Variants in C6orf52 observed in about 807,000 individuals in gnomAD.
C6orf52 encodes putative uncharacterized protein C6orf52.
Under a neutral mutation model 16.6 loss-of-function variants are expected in C6orf52, and 16 were observed. The ratio of observed to expected loss-of-function variants is 0.96; its 90% CI spans 0.65 to 1.46. The LOEUF (loss-of-function observed/expected upper bound fraction) is 1.46. Ranked by LOEUF, C6orf52 falls within the 40% of genes most tolerant of loss-of-function variation. The pLI, the probability that C6orf52 is intolerant of heterozygous loss-of-function variation, is 0.00. For synonymous variants in C6orf52, 53 were observed against 61.4 expected (o/e 0.86, Z 0.64); for missense variants, 166 against 182.3 (o/e 0.91, Z 0.52).
intron 1 of C6orf52, among the ~76,000 whole-genome samples, chr6:10,691,324 G>T (rs1379071443): frequency 2.0e-5 from 3 of 152,160 alleles, no homozygotes; most frequent in Non-Finnish European, 1.5e-5. Flanking sequence ...CCCCAAGTGA[G>T]TAATTCCTGT....
At chr6:10,686,878 A>G in intron 3 of C6orf52, 88 bp downstream of exon 3, 1 of 977,520 alleles carries the variant, frequency 1.0e-6, no homozygotes. Flanking sequence ...AATTTGGATG[A>G]CAGGACACAG....
At chr6:10,690,331 T>G (rs922619486) in intron 1 of C6orf52, among the ~76,000 whole-genome samples, 1 of 152,164 alleles carries the variant, frequency 6.6e-6, no homozygotes, top group African/African-American at 2.4e-5. Flanking sequence ...CAAATTTCTA[T>G]TGGGGCACAC....
chr6:10,691,881 T>C (rs761816501), intron 1 of C6orf52, among the ~76,000 whole-genome samples: 1 of 152,190 alleles, frequency 6.6e-6, no homozygotes, highest in Non-Finnish European at 1.5e-5. Context: ...ATGTTCATGG[T>C]GCTTACACCA....
In C6orf52 at chr6:10,683,205, C is replaced by T; in HGVS notation, c.298G>A (p.Asp100Asn). The T allele has an allele frequency of 6.5e-7, 1 of 1,547,326 alleles. No homozygotes were observed. Among genetic ancestry groups the T allele is most frequent in the South Asian group, 1.2e-5 (1 of 83,272 alleles). Residue 100 changes from aspartate (D) to asparagine (N), a missense_variant, in exon 4 of 5, where the codon GAT becomes AAT. Asp to Asn is a conservative substitution (Grantham distance 23). Coordinates refer to ENST00000259983, the MANE Select transcript of C6orf52 (RefSeq NM_001145020.3). ...KETTPLAENQ[D>N]EDPLEDPHLH... ...ATGTTACCTTCTAGTGGGTCTTCAT[C>T]TTGGTTTTCAGCTAGAGGTGTGGTT... is the stretch of plus-strand genomic sequence containing the variant.
In C6orf52 at chr6:10,694,598, A is replaced by T. The variant is rs910744724; in HGVS notation, c.-116T>A. 4 of 172,158 alleles carry T rather than the reference A, an allele frequency of 2.3e-5. No individual in the cohort carries two copies. In the South Asian group the frequency reaches 3.5e-4, roughly 15 times the overall value. 10.7% of individuals were successfully genotyped at this position (172,158 alleles called of 1,614,324 possible). ...GCACGCTGCCGGCGCTACAGCCCCT[A>T]AGCAACCGGCCGGAAGTCGGCCCCA... On this transcript the variant is annotated 5_prime_UTR_variant, in exon 1 of 5. Coordinates refer to ENST00000259983, the MANE Select transcript of C6orf52 (RefSeq NM_001145020.3).
chr6:10,675,884 C>A (rs1232735727), intron 4 of C6orf52, among the ~76,000 whole-genome samples: 1 of 152,222 alleles, frequency 6.6e-6, no homozygotes, highest in Non-Finnish European at 1.5e-5. Flanking sequence ...GTAATCCCAG[C>A]ACTTTGGGAG....
chr6:10,686,722 C>G (rs913737521), intron 3 of C6orf52, among the ~76,000 whole-genome samples: 1 of 152,170 alleles, frequency 6.6e-6, no homozygotes, highest in African/African-American at 2.4e-5. Flanking sequence ...AGTTTATACA[C>G]GTCCAAACTC....
intron 4 of C6orf52, among the ~76,000 whole-genome samples, chr6:10,681,151 T>C (rs2127464933): frequency 6.6e-6 from 1 of 152,326 alleles, no homozygotes; most frequent in East Asian, 1.9e-4. Context: ...ATTGGTCTGT[T>C]CAGGTTTTCT....
intron 2 of C6orf52, 95 bp downstream of exon 2, chr6:10,687,383 TAA>T (rs144292063): frequency 5.2e-4 from 431 of 834,282 alleles, no homozygotes; most frequent in African/African-American, 1.1e-3. Context: ...CCCAGAACTT[TAA>T]AAAAAAAAAA....
At chr6:10,690,223 T>C (rs1481659003) in intron 1 of C6orf52, among the ~76,000 whole-genome samples, 1 of 152,130 alleles carries the variant, frequency 6.6e-6, no homozygotes, top group African/African-American at 2.4e-5. Context: ...GCCTTGGAGA[T>C]GACAGTGACA....
chr6:10,683,967 T>A (rs1768632213), intron 3 of C6orf52, among the ~76,000 whole-genome samples: 1 of 152,220 alleles, frequency 6.6e-6, no homozygotes, highest in Non-Finnish European at 1.5e-5. Flanking sequence ...TCCTGGCACT[T>A]AATTAAGCTT....
chr6:10,682,527 G>T (rs1325069746), intron 4 of C6orf52, among the ~76,000 whole-genome samples: 1 of 152,184 alleles, frequency 6.6e-6, no homozygotes, highest in African/African-American at 2.4e-5. Context: ...TAAAGGCAGT[G>T]GGTGGGTTTG....
In C6orf52 at chr6:10,694,601, C is replaced by CTTGGTGTAG; in HGVS notation, c.-120_-119insCTACACCAA. On this transcript the variant is annotated 5_prime_UTR_variant, in exon 1 of 5. Coordinates refer to ENST00000259983, the MANE Select transcript of C6orf52 (RefSeq NM_001145020.3). ...CGCTGCCGGCGCTACAGCCCCTAAG[C>CTTGGTGTAG]AACCGGCCGGAAGTCGGCCCCACCT... 3 of 175,900 alleles carry CTTGGTGTAG rather than the reference C, an allele frequency of 1.7e-5. No individual in the cohort carries two copies. The highest frequency in any genetic ancestry group is 1.2e-4 in the Admixed American group (2 of 16,484). 10.9% of individuals were successfully genotyped at this position (175,900 alleles called of 1,614,324 possible). A position where few individuals can be genotyped will look rare whatever the true frequency, so the allele number is the denominator to read the frequency against.
intron 4 of C6orf52, among the ~76,000 whole-genome samples, chr6:10,677,140 A>T (rs1017747566): frequency 6.6e-6 from 1 of 152,114 alleles, no homozygotes; most frequent in Non-Finnish European, 1.5e-5. Flanking sequence ...TAGTAGTTTC[A>T]CAGTTTTGGG....
intron 4 of C6orf52, among the ~76,000 whole-genome samples, chr6:10,677,102 C>A (rs1188374421): frequency 6.6e-6 from 1 of 152,204 alleles, no homozygotes; most frequent in East Asian, 1.9e-4. Flanking sequence ...AGACCAATGT[C>A]GTGGAGCTTT....
intron 1 of C6orf52, among the ~76,000 whole-genome samples, chr6:10,693,824 G>A (rs1433602309): frequency 6.6e-6 from 1 of 152,164 alleles, no homozygotes; most frequent in Non-Finnish European, 1.5e-5. Context: ...GACCTCCTGG[G>A]CTCAAGCAAT....
At chr6:10,693,463 C>A (rs57689018) in intron 1 of C6orf52, among the ~76,000 whole-genome samples, 8,708 of 152,262 alleles carry the variant, frequency 0.057, 808 homozygotes, top group African/African-American at 0.19. Context: ...TCTGCAAGAC[C>A]CAAACTAGCC....
rs376522718 is a variant in C6orf52, at chr6:10,692,096, CAG to C, written c.-12+2396_-12+2397del. 4.6e-3 allele frequency among the ~76,000 whole-genome samples: 703 copies of C among 152,290 alleles called. 9 individuals are homozygous for C. The highest frequency in any genetic ancestry group is 0.016 in the African/African-American group (648 of 41,580). On this transcript the variant is annotated intron_variant, in intron 1 of 4. Transcript: ENST00000259983. Reference sequence around the variant, plus strand: ...TTGAGATGTCCCTGGGGTAAGGAGACAGGGCACCAGGGACATTCCAGAAGTAA... The same window carrying C: ...TTGAGATGTCCCTGGGGTAAGGAGACGGCACCAGGGACATTCCAGAAGTAA...
Position 10,684,161 on chromosome 6 carries a change from C to T in C6orf52, c.271-929G>A, listed in dbSNP as rs951793402. ...TTTTCTATTTAGATACGGCTAAGACCGCAGGCATGGTGGCATGCAGCCGGT... is the reference window on the plus strand; with the variant it reads ...TTTTCTATTTAGATACGGCTAAGACTGCAGGCATGGTGGCATGCAGCCGGT... On this transcript the variant is annotated intron_variant, in intron 3 of 4. Transcript: ENST00000259983. 4.6e-5 allele frequency among the ~76,000 whole-genome samples: 7 copies of T among 151,968 alleles called. No individual in the cohort carries two copies. The East Asian group carries it at 7.7e-4, about 17-fold the overall frequency.
Sources: gnomAD v4.1 joint callset for allele counts (sites outside exome capture counted in the v4.1 genomes callset) on GRCh38, gnomAD v4.1.1 for gene constraint, MANE v1.5 for transcripts, NCBI Gene and HGNC (gene_info 2026-07-23, HGNC 2026-07-21) for gene names.